The following MINDY2 variants were observed in gnomAD, a reference collection of about 807,000 sequenced individuals.
The protein encoded by MINDY2 is MINDY lysine 48 deubiquitinase 2.
MINDY2 carries 52 observed loss-of-function variants against 68.2 expected under a neutral mutation model. The ratio of observed to expected loss-of-function variants is 0.76; its 90% confidence interval spans 0.61 to 0.96. The LOEUF (loss-of-function observed/expected upper bound fraction) is 0.96. MINDY2 is among the 40% of genes least tolerant of loss of function. The probability of loss-of-function intolerance (pLI) is 0.00; values close to 1 mark genes in which losing one functional copy is unlikely to be tolerated. For missense variants in MINDY2, 881 were observed against 773.4 expected (o/e 1.14, Z -1.65); for synonymous variants, 372 against 303.0 (o/e 1.23, Z -2.36).
chr15:58,791,365 G>A (rs1901899946), intron 2 of MINDY2, among the ~76,000 whole-genome samples: 2 of 150,490 alleles, frequency 1.3e-5, no homozygotes, highest in South Asian at 2.1e-4. Context: ...AGCCACATGC[G>A]GTCCTCAAGC....
At chr15:58,839,394 C>T (rs188911171) in intron 6 of MINDY2, among the ~76,000 whole-genome samples, 1 of 152,108 alleles carries the variant, frequency 6.6e-6, no homozygotes, top group African/African-American at 2.4e-5. Context: ...TGCAGTGGCA[C>T]AATCTTGGCT....
intron 4 of MINDY2, among the ~76,000 whole-genome samples, chr15:58,815,018 C>G (rs748181683): frequency 1.3e-5 from 2 of 151,982 alleles, no homozygotes; most frequent in South Asian, 2.1e-4. Context: ...AGGGCTTTGC[C>G]TAACCAAAAA....
intron 1 of MINDY2, among the ~76,000 whole-genome samples, chr15:58,775,420 C>T (rs928076871): frequency 6.6e-6 from 1 of 152,082 alleles, no homozygotes; most frequent in African/African-American, 2.4e-5. Context: ...GGTGTTTAGA[C>T]TTTATATATA....
Position 58,831,907 on chromosome 15 carries a change from C to G in MINDY2, c.1359C>G (p.Thr453=). ...GGAATAATCATTTTAGCACCATGACCAAATACAAGGTATGATATAGAAATA... is the reference window on the plus strand; with the variant it reads ...GGAATAATCATTTTAGCACCATGACGAAATACAAGGTATGATATAGAAATA... ...FFRNNHFSTM[T]KYKGQLYLLV... Residue 453 remains threonine, a synonymous_variant, in exon 6 of 9, where the codon ACC becomes ACG. Transcript: ENST00000559228. The G allele has an allele frequency of 6.2e-7, 1 of 1,611,408 alleles. No individual in the cohort carries two copies. The highest frequency in any genetic ancestry group is 8.5e-7 in the Non-Finnish European group (1 of 1,179,038).
intron 2 of MINDY2, among the ~76,000 whole-genome samples, chr15:58,788,261 A>G (rs1901639441): frequency 6.6e-6 from 1 of 152,222 alleles, no homozygotes; most frequent in South Asian, 2.1e-4. Flanking sequence ...AATCGCTGAC[A>G]TTGCATGTAG....
At chr15:58,828,946 CTATTATCA>C (rs1251670605) in intron 5 of MINDY2, among the ~76,000 whole-genome samples, 4 of 152,094 alleles carry the variant, frequency 2.6e-5, no homozygotes, top group African/African-American at 9.7e-5. Flanking sequence ...GAATAATACT[CTATTATCA>C]TTAAGTTTTT....
At chr15:58,792,567 T>C (rs1323161302) in intron 2 of MINDY2, among the ~76,000 whole-genome samples, 3 of 151,940 alleles carry the variant, frequency 2.0e-5, no homozygotes, top group Non-Finnish European at 4.4e-5. Context: ...GATCATGCGA[T>C]TGCACTCCAG....
intron 3 of MINDY2, among the ~76,000 whole-genome samples, chr15:58,806,332 C>T (rs1212651562): frequency 6.6e-6 from 1 of 150,960 alleles, no homozygotes; most frequent in African/African-American, 2.4e-5. Flanking sequence ...TCTGGCATTA[C>T]AGGCGTGAGT....
rs1192778789 is a variant in MINDY2, at chr15:58,772,066, A to G, written c.671A>G (p.Glu224Gly). 1.9e-6 allele frequency: 3 copies of G among 1,611,018 alleles called. No homozygotes were observed. The highest frequency in any genetic ancestry group is 1.7e-6 in the Non-Finnish European group (2 of 1,178,424). ...CCTCTGTGCAAGGAGGAGGAGGGGGAGGAGACCGCTCAGGTGCTGGCGGCC... is the reference window on the plus strand; with the variant it reads ...CCTCTGTGCAAGGAGGAGGAGGGGGGGGAGACCGCTCAGGTGCTGGCGGCC... ...AVPLCKEEEG[E>G]ETAQVLAASK... The change falls in exon 1 of 9, where the codon GAG becomes GGG. Residue 224 changes from glutamate to glycine, a missense_variant. Physicochemically the swap from Glu to Gly is moderately conservative, Grantham distance 98. Coordinates refer to ENST00000559228, the MANE Select transcript of MINDY2 (RefSeq NM_001040450.3).
chr15:58,829,164 T>C (rs2031582251), intron 5 of MINDY2, among the ~76,000 whole-genome samples: 10 of 152,206 alleles, frequency 6.6e-5, no homozygotes, highest in Admixed American at 5.2e-4. Flanking sequence ...AAGTTGAAAC[T>C]AGATTGAGCT....
intron 6 of MINDY2, among the ~76,000 whole-genome samples, chr15:58,836,445 G>C (rs1341634621): frequency 6.6e-6 from 1 of 151,960 alleles, no homozygotes; most frequent in Non-Finnish European, 1.5e-5. Context: ...ATTTTGATAT[G>C]ATCCAAATCT....
intron 1 of MINDY2, among the ~76,000 whole-genome samples, chr15:58,782,602 C>G (rs1345392065): frequency 1.3e-5 from 2 of 152,082 alleles, no homozygotes. Context: ...TTTCACTGGT[C>G]ACAAAGTTCT....
chr15:58,825,407 G>T (rs1404700914), intron 5 of MINDY2, among the ~76,000 whole-genome samples: 1 of 151,918 alleles, frequency 6.6e-6, no homozygotes, highest in African/African-American at 2.4e-5. Context: ...TTCTTTTCCA[G>T]TACAATGATG....
At position 58,849,271 on chromosome 15, in the gene MINDY2, G is replaced by A. The variant is rs1330465774; in HGVS notation, c.1542+1801G>A. ...TAGTCGCAGCACTTTGGGAGGCCAA[G>A]GCGGGCCGATCACGAGGTCGGGAGA... On this transcript the variant is annotated intron_variant, in intron 7 of 8. Coordinates refer to ENST00000559228, the MANE Select transcript of MINDY2 (RefSeq NM_001040450.3). Among the ~76,000 whole-genome samples, 5 of 151,988 alleles carry A rather than the reference G, an allele frequency of 3.3e-5. No individual in the cohort carries two copies. The South Asian group carries it at 8.3e-4, about 25-fold the overall frequency.
At chr15:58,815,493 G>T (rs1158792068) in intron 4 of MINDY2, 1 of 152,070 alleles carries the variant, frequency 6.6e-6, no homozygotes, top group Admixed American at 6.6e-5. Flanking sequence ...GGGACTACAG[G>T]TGCACACCAG....
At chr15:58,828,510 T>C (rs183136154) in intron 5 of MINDY2, among the ~76,000 whole-genome samples, 2 of 152,108 alleles carry the variant, frequency 1.3e-5, no homozygotes, top group Non-Finnish European at 2.9e-5. Flanking sequence ...ATCACTTTCA[T>C]GTTCTCTAAT....
chr15:58,775,203 TTG>T (rs1900701373), intron 1 of MINDY2, among the ~76,000 whole-genome samples: 1 of 152,206 alleles, frequency 6.6e-6, no homozygotes, highest in Non-Finnish European at 1.5e-5. Flanking sequence ...CCTCTGTACT[TTG>T]TGTTTTAAAT....
intron 1 of MINDY2, among the ~76,000 whole-genome samples, chr15:58,783,050 G>C (rs1260690864): frequency 6.7e-6 from 1 of 150,096 alleles, no homozygotes; most frequent in Non-Finnish European, 1.5e-5. Context: ...CTCCTGAGTA[G>C]CTGGGATTAC....
At chr15:58,797,334 C>G (rs1334628461) in intron 2 of MINDY2, among the ~76,000 whole-genome samples, 2 of 152,150 alleles carry the variant, frequency 1.3e-5, no homozygotes, top group Non-Finnish European at 2.9e-5. Flanking sequence ...TGGCAAAACC[C>G]TATCTTTACA....
Sources: allele counts gnomAD v4.1 joint callset (sites outside exome capture counted in the v4.1 genomes callset), GRCh38; gene constraint gnomAD v4.1.1; transcripts MANE v1.5; gene names NCBI Gene and HGNC (gene_info 2026-07-23, HGNC 2026-07-21).